Variants in SESTD1 observed in about 807,000 individuals in gnomAD.
SESTD1 encodes the protein SEC14 and spectrin domain containing 1.
A neutral mutation model predicts 101.7 loss-of-function variants in SESTD1; 43 were observed. The observed-to-expected ratio is 0.42, with a 90% confidence interval of 0.33 to 0.55. The LOEUF is 0.55. Among genes scored for constraint, SESTD1 ranks in the 20% least tolerant of loss-of-function variants. SESTD1 has a pLI of 0.07. For missense variants in SESTD1, 647 were observed against 815.1 expected, an observed-to-expected ratio of 0.79 and a Z score of 2.51; for synonymous variants, 283 against 286.8, an observed-to-expected ratio of 0.99 and a Z score of 0.13.
intron 1 of SESTD1, among the ~76,000 whole-genome samples, chr2:179,256,532 G>A (rs2047396062): frequency 6.6e-6 from 1 of 152,162 alleles, no homozygotes; most frequent in East Asian, 1.9e-4. Context: ...AACAGATGGG[G>A]CCGGGCACGG....
chr2:179,115,803 G>C (rs2044618485), intron 15 of SESTD1, among the ~76,000 whole-genome samples: 2 of 152,050 alleles, frequency 1.3e-5, no homozygotes, highest in Non-Finnish European at 2.9e-5. Context: ...CCTTCTGTTA[G>C]GCTTCCCCAC....
intron 10 of SESTD1, 123 bp from the exon 11 acceptor site, chr2:179,124,681 T>A: frequency 1.3e-6 from 1 of 773,076 alleles, no homozygotes; most frequent in Non-Finnish European, 2.0e-6. Context: ...GCAAAATTAT[T>A]AAAATTGAGG....
In SESTD1 at chr2:179,124,434, T is replaced by C; in HGVS notation, c.1097A>G (p.Gln366Arg). The C allele has an allele frequency of 1.9e-6, 3 of 1,614,154 alleles. No homozygotes were observed. Among genetic ancestry groups the C allele is most frequent in the Non-Finnish European group, 2.5e-6 (3 of 1,180,006 alleles). The change falls in exon 11 of 18, where the codon CAG (glutamine) becomes CGG (arginine). Residue 366 changes from glutamine (Q) to arginine (R), a missense_variant. Coordinates refer to ENST00000428443, the MANE Select transcript of SESTD1 (RefSeq NM_178123.5). ...TTGCCTAAATTCCAGCTGACTGGCCTGTCGATAACAAACATCACTAAGTTG... is the reference window on the plus strand; with the variant it reads ...TTGCCTAAATTCCAGCTGACTGGCCCGTCGATAACAAACATCACTAAGTTG... ...QQQLSDVCYR[Q>R]ASQLEFRQNL...
chr2:179,102,940 ACTCT>A lies in SESTD1; in HGVS notation c.*6955_*6958del, dbSNP rs894416462. On this transcript the variant is annotated 3_prime_UTR_variant, in exon 18 of 18. Transcript: ENST00000428443. ...TTTGGGGGACTTCCCTGTCCAGGTG[ACTCT>A]CTCTCACATAGCTGTACCTGGGGCT... 2.0e-5 allele frequency: 3 copies of A among 151,820 alleles called. No homozygotes were observed. The highest frequency in any genetic ancestry group is 2.1e-4 in the South Asian group (1 of 4,802). 9.4% of individuals were successfully genotyped at this position (151,820 alleles called of 1,614,324 possible).
At chr2:179,120,378 C>T (rs370292970) in intron 13 of SESTD1, among the ~76,000 whole-genome samples, 11 of 152,032 alleles carry the variant, frequency 7.2e-5, no homozygotes, top group East Asian at 3.9e-4. Context: ...GTCTACAGCA[C>T]GGGAGAGCTG....
intron 10 of SESTD1, 130 bp downstream of exon 10, chr2:179,132,174 A>T: frequency 9.3e-7 from 1 of 1,069,572 alleles, no homozygotes; most frequent in Non-Finnish European, 1.3e-6. Flanking sequence ...TATGACCTCT[A>T]GGCACTTAAC....
At chr2:179,157,548 A>C (rs982634163) in intron 5 of SESTD1, among the ~76,000 whole-genome samples, 1 of 152,154 alleles carries the variant, frequency 6.6e-6, no homozygotes, top group Non-Finnish European at 1.5e-5. Context: ...TTCATATTTA[A>C]AATCGTAAGA....
chr2:179,168,921 T>C (rs755475235), intron 5 of SESTD1, among the ~76,000 whole-genome samples: 26 of 152,254 alleles, frequency 1.7e-4, no homozygotes, highest in African/African-American at 5.1e-4. Flanking sequence ...AGTGGTATAA[T>C]TGAAGGTTAG....
intron 9 of SESTD1, among the ~76,000 whole-genome samples, chr2:179,137,926 G>C (rs2045189164): frequency 6.6e-6 from 1 of 152,028 alleles, no homozygotes; most frequent in Non-Finnish European, 1.5e-5. Flanking sequence ...AGTATGATTT[G>C]TGCTCTGTGT....
At chr2:179,256,811 C>CAAAAAA (rs368195849) in intron 1 of SESTD1, among the ~76,000 whole-genome samples, 2 of 76,518 alleles carry the variant, frequency 2.6e-5, no homozygotes, top group African/African-American at 4.5e-5. Flanking sequence ...GACTCCACCT[C>CAAAAAA]AAAAAAAAAA....
Position 179,157,698 on chromosome 2 carries a change from AT to A in SESTD1, c.370-6308del, listed in dbSNP as rs1232514400. ...ACAGATGTCCCTTATATTAAACTTA[AT>A]TTTTAATAATGTGTTATTGATTCAC... On this transcript the variant is annotated intron_variant, in intron 5 of 17. Coordinates refer to ENST00000428443, the MANE Select transcript of SESTD1 (RefSeq NM_178123.5). 5.9e-5 allele frequency among the ~76,000 whole-genome samples: 9 copies of A among 152,260 alleles called. No homozygotes were observed. The East Asian group carries it at 9.6e-4, about 16-fold the overall frequency.
Position 179,102,920 on chromosome 2 carries a change from G to GGGAC in SESTD1, c.*6975_*6978dup, listed in dbSNP as rs1196356543. On this transcript the variant is annotated 3_prime_UTR_variant, in exon 18 of 18. Transcript: ENST00000428443. ...TTCTGCTCTTCTGGCCACCATTTGGGGGACTTCCCTGTCCAGGTGACTCTC... is the reference window on the plus strand; with the variant it reads ...TTCTGCTCTTCTGGCCACCATTTGGGGGACGGACTTCCCTGTCCAGGTGACTCTC... The GGGAC allele has an allele frequency of 6.6e-6, 1 of 152,024 alleles. No individual in the cohort carries two copies. Among genetic ancestry groups the GGGAC allele is most frequent in the Non-Finnish European group, 1.5e-5 (1 of 67,992 alleles). 9.4% of individuals were successfully genotyped at this position (152,024 alleles called of 1,614,324 possible). A position where few individuals can be genotyped will look rare whatever the true frequency, so the allele number is the denominator to read the frequency against.
intron 13 of SESTD1, among the ~76,000 whole-genome samples, chr2:179,120,084 C>T (rs2044714388): frequency 6.6e-6 from 1 of 152,080 alleles, no homozygotes; most frequent in Admixed American, 6.5e-5. Flanking sequence ...CAAAAATTAG[C>T]CGGGTGCAGT....
chr2:179,117,673 C>T, intron 13 of SESTD1, 60 bp from the exon 14 acceptor site: 1 of 1,332,584 alleles, frequency 7.5e-7, no homozygotes, highest in South Asian at 1.5e-5. Context: ...ACTATTGTAA[C>T]ATCATCATTT....
chr2:179,217,942 G>A (rs190502559), intron 1 of SESTD1, among the ~76,000 whole-genome samples: 1 of 151,030 alleles, frequency 6.6e-6, no homozygotes, highest in African/African-American at 2.4e-5. Flanking sequence ...AGAACACTTG[G>A]ACACAGGGCG....
chr2:179,230,545 G>A (rs2046972572), intron 1 of SESTD1, among the ~76,000 whole-genome samples: 2 of 151,992 alleles, frequency 1.3e-5, no homozygotes, highest in South Asian at 4.2e-4. Flanking sequence ...TAAGAGAAAA[G>A]GTGAGGACTA....
At chr2:179,133,878 C>T (rs1246159890) in intron 9 of SESTD1, among the ~76,000 whole-genome samples, 1 of 151,992 alleles carries the variant, frequency 6.6e-6, no homozygotes, top group Non-Finnish European at 1.5e-5. Context: ...TGAATTCAAC[C>T]AATCACAGAT....
At chr2:179,192,786 A>C (rs961731869) in intron 1 of SESTD1, among the ~76,000 whole-genome samples, 1 of 152,304 alleles carries the variant, frequency 6.6e-6, no homozygotes. Flanking sequence ...AAATGAACAA[A>C]ATCAGATTCA....
chr2:179,231,737 A>T (rs116770760), intron 1 of SESTD1, among the ~76,000 whole-genome samples: 5,166 of 151,292 alleles, frequency 0.034, 82 homozygotes, highest in Non-Finnish European at 0.04. Context: ...AAAAAAATTT[A>T]AAAAATTTAA....
Sources: allele counts gnomAD v4.1 joint callset (sites outside exome capture counted in the v4.1 genomes callset), GRCh38; gene constraint gnomAD v4.1.1; transcripts MANE v1.5; gene names NCBI Gene and HGNC (gene_info 2026-07-23, HGNC 2026-07-21).